WWOX: variants seen among roughly 807,000 people sequenced by gnomAD.
WWOX encodes WW domain containing oxidoreductase.
WWOX carries 69 observed loss-of-function variants against 46.2 expected under a neutral mutation model. That is an observed-to-expected ratio of 1.49 (90% CI 1.23 to 1.82). The LOEUF (loss-of-function observed/expected upper bound fraction) is 1.82. Among genes scored for constraint, WWOX ranks in the 40% most tolerant of loss-of-function variants. WWOX has a pLI of 0.00. For synonymous variants in WWOX, 359 were observed against 202.6 expected, an observed-to-expected ratio of 1.77 and a Z score of -6.56; for missense variants, 919 against 542.6, an observed-to-expected ratio of 1.69 and a Z score of -6.89.
chr16:78,446,197 ACATACAT>A (rs2083557296), intron 8 of WWOX, among the ~76,000 whole-genome samples: 1 of 152,232 alleles, frequency 6.6e-6, no homozygotes, highest in Admixed American at 6.5e-5. Context: ...GTGAAGAAAT[ACATACAT>A]CATACTTGAG....
chr16:78,364,285 C>G (rs977292424), intron 5 of WWOX, among the ~76,000 whole-genome samples: 3 of 152,210 alleles, frequency 2.0e-5, no homozygotes, highest in African/African-American at 7.2e-5. Flanking sequence ...CTCCTGATAG[C>G]CACTAAAGGG....
intron 8 of WWOX, among the ~76,000 whole-genome samples, chr16:79,013,538 A>G (rs2047354335): frequency 6.6e-6 from 1 of 152,192 alleles, no homozygotes; most frequent in Admixed American, 6.5e-5. Context: ...AGGGACAGCA[A>G]AAGCACACAC....
At chr16:78,208,387 C>T (rs920753709) in intron 5 of WWOX, among the ~76,000 whole-genome samples, 2 of 152,028 alleles carry the variant, frequency 1.3e-5, no homozygotes, top group African/African-American at 2.4e-5. Flanking sequence ...AAAAACATAC[C>T]GTTACATATG....
At chr16:79,119,787 A>G (rs892483038) in intron 8 of WWOX, among the ~76,000 whole-genome samples, 2 of 152,280 alleles carry the variant, frequency 1.3e-5, no homozygotes, top group East Asian at 1.9e-4. Context: ...GCTGAACCCT[A>G]TTAACCTCAT....
chr16:79,197,456 A>T (rs1393679056), intron 8 of WWOX, among the ~76,000 whole-genome samples: 3 of 150,622 alleles, frequency 2.0e-5, no homozygotes, highest in African/African-American at 7.3e-5. Flanking sequence ...AATCAAACCC[A>T]CCCCCTGCAC....
chr16:78,856,406 G>C (rs1201528406), intron 8 of WWOX, among the ~76,000 whole-genome samples: 2 of 152,198 alleles, frequency 1.3e-5, no homozygotes, highest in Non-Finnish European at 2.9e-5. Flanking sequence ...ACTTTGGTTG[G>C]CTGAGGCGGG....
intron 8 of WWOX, among the ~76,000 whole-genome samples, chr16:78,634,811 G>GGAGAGAGAGAGAGA (rs541433739): frequency 1.3e-4 from 16 of 127,944 alleles, no homozygotes; most frequent in African/African-American, 4.5e-4. Flanking sequence ...GCACCCGACT[G>GGAGAGAGAGAGAGA]GAGAGAGAGA....
At chr16:78,977,510 C>G (rs1336900525) in intron 8 of WWOX, among the ~76,000 whole-genome samples, 10 of 152,130 alleles carry the variant, frequency 6.6e-5, no homozygotes. Flanking sequence ...TAGAATCCCA[C>G]CATAGACGCC....
intron 8 of WWOX, among the ~76,000 whole-genome samples, chr16:78,859,027 A>ATAAAT (rs58798658): frequency 4.2e-5 from 1 of 23,702 alleles, no homozygotes; most frequent in African/African-American, 1.8e-4. Flanking sequence ...AAAAAAAAAA[A>ATAAAT]ATATATATAT....
intron 8 of WWOX, among the ~76,000 whole-genome samples, chr16:78,622,049 C>T (rs185749256): frequency 6.6e-6 from 1 of 152,142 alleles, no homozygotes; most frequent in African/African-American, 2.4e-5. Flanking sequence ...TTGTTAGCTG[C>T]TGAAGTTTAA....
intron 8 of WWOX, among the ~76,000 whole-genome samples, chr16:79,094,247 T>C (rs1244026108): frequency 6.6e-6 from 1 of 151,890 alleles, no homozygotes; most frequent in Non-Finnish European, 1.5e-5. Context: ...GTTTTTCTTT[T>C]TTTTTTTTTT....
intron 8 of WWOX, among the ~76,000 whole-genome samples, chr16:78,649,272 A>C (rs937604141): frequency 6.6e-6 from 1 of 152,180 alleles, no homozygotes; most frequent in Non-Finnish European, 1.5e-5. Flanking sequence ...GGCGTGAGCC[A>C]CCGTGACTGA....
intron 8 of WWOX, among the ~76,000 whole-genome samples, chr16:78,702,100 TTATATATATATA>T (rs72067397): frequency 2.5e-5 from 2 of 81,262 alleles, no homozygotes; most frequent in Non-Finnish European, 4.3e-5. Flanking sequence ...ATCTATAAAG[TTATATATATATA>T]TATATATATA....
At chr16:78,099,915 C>T (rs1166913866) in intron 1 of WWOX, 30 bp downstream of exon 1, 1 of 1,549,610 alleles carries the variant, frequency 6.5e-7, no homozygotes, top group Non-Finnish European at 8.7e-7. Context: ...GCCGCGGACG[C>T]ACCTGGGACC....
intron 8 of WWOX, among the ~76,000 whole-genome samples, chr16:79,042,116 T>A (rs958109187): frequency 6.6e-6 from 1 of 152,162 alleles, no homozygotes; most frequent in African/African-American, 2.4e-5. Context: ...TTGGTTAACC[T>A]GCACCCACGT....
intron 5 of WWOX, among the ~76,000 whole-genome samples, chr16:78,337,241 C>A (rs749855867): frequency 2.0e-5 from 3 of 152,086 alleles, no homozygotes; most frequent in East Asian, 1.9e-4. Context: ...GGTAGGAATC[C>A]TGCAGACAGA....
At chr16:79,156,562 C>G (rs1021507842) in intron 8 of WWOX, among the ~76,000 whole-genome samples, 3 of 152,212 alleles carry the variant, frequency 2.0e-5, no homozygotes, top group Admixed American at 2.0e-4. Flanking sequence ...TCTTAAGCTT[C>G]AGAAGATTAG....
chr16:78,541,263 A>G lies in WWOX; in HGVS notation c.1056+108511A>G, dbSNP rs1171317795. On this transcript the variant is annotated intron_variant, in intron 8 of 8. Transcript: ENST00000566780. ...GCCGAGGCGGGCGGATCACGAGGTC[A>G]GGAGATCGAGACCATCCCGGCTAAA... is the stretch of plus-strand genomic sequence containing the variant. Among the ~76,000 whole-genome samples, 11 of 151,714 alleles carry G rather than the reference A, an allele frequency of 7.3e-5. No individual in the cohort carries two copies. In the South Asian group the frequency reaches 2.3e-3, roughly 32 times the overall value.
chr16:79,201,196 A>G lies in WWOX; in HGVS notation c.1057-10412A>G, dbSNP rs187633161. ...TCCTACCATCCCATATTGCCACCCCATCTGCAAAAATACCTGGATCTATCT... is the reference window on the plus strand; with the variant it reads ...TCCTACCATCCCATATTGCCACCCCGTCTGCAAAAATACCTGGATCTATCT... On this transcript the variant is annotated intron_variant, in intron 8 of 8. Transcript: ENST00000566780. Among the ~76,000 whole-genome samples the G allele has an allele frequency of 5.3e-5, 8 of 152,218 alleles. No individual in the cohort carries two copies. The East Asian group carries it at 1.6e-3, about 30-fold the overall frequency.
Sources: gnomAD v4.1 joint callset for allele counts (sites outside exome capture counted in the v4.1 genomes callset) on GRCh38, gnomAD v4.1.1 for gene constraint, MANE v1.5 for transcripts, NCBI Gene and HGNC (gene_info 2026-07-23, HGNC 2026-07-21) for gene names.